The following CNTNAP5 variants were observed in gnomAD, a reference collection of about 807,000 sequenced individuals.
CNTNAP5 encodes contactin-associated protein-like 5.
In CNTNAP5, 72 loss-of-function variants were observed where a neutral mutation model predicts 150.2. The ratio of observed to expected loss-of-function variants is 0.48; its 90% CI spans 0.40 to 0.58. CNTNAP5 has a LOEUF of 0.58. CNTNAP5 is among the 20% of genes least tolerant of loss of function. The probability of loss-of-function intolerance (pLI) is 0.00; values close to 1 mark genes in which losing one functional copy is unlikely to be tolerated. For missense variants in CNTNAP5, 1,636 were observed against 1,626.2 expected, an observed-to-expected ratio of 1.01 and a Z score of -0.10; for synonymous variants, 672 against 619.8, an observed-to-expected ratio of 1.08 and a Z score of -1.25.
chr2:124,786,671 G>A (rs1681605285), intron 17 of CNTNAP5, among the ~76,000 whole-genome samples: 1 of 152,074 alleles, frequency 6.6e-6, no homozygotes, highest in South Asian at 2.1e-4. Flanking sequence ...AGATTTCTGG[G>A]AGAGGGAGAG....
intron 3 of CNTNAP5, among the ~76,000 whole-genome samples, chr2:124,400,674 T>TTG (rs1691390363): frequency 2.2e-5 from 2 of 91,458 alleles, no homozygotes; most frequent in South Asian, 1.0e-3. Flanking sequence ...GCATTGTTTT[T>TTG]TTTTTTTTTT....
At chr2:124,124,020 C>T (rs1683628964) in intron 1 of CNTNAP5, among the ~76,000 whole-genome samples, 1 of 152,174 alleles carries the variant, frequency 6.6e-6, no homozygotes, top group East Asian at 1.9e-4. Flanking sequence ...AGTAATGCAA[C>T]TCTTCTCCAG....
At chr2:124,432,134 GT>G (rs1240427968) in intron 4 of CNTNAP5, among the ~76,000 whole-genome samples, 1 of 152,170 alleles carries the variant, frequency 6.6e-6, no homozygotes, top group African/African-American at 2.4e-5. Context: ...AAACAGAGGG[GT>G]GTACCCAGTG....
intron 18 of CNTNAP5, among the ~76,000 whole-genome samples, chr2:124,795,148 C>T (rs933171167): frequency 6.6e-6 from 1 of 152,186 alleles, no homozygotes; most frequent in South Asian, 2.1e-4. Context: ...TGTGCTTTTA[C>T]GTACTTTCTT....
rs947138195 is a variant in CNTNAP5 at position 124,511,930 on chromosome 2, T to G, written c.1327+7374T>G. On this transcript the variant is annotated intron_variant, in intron 8 of 23. Coordinates refer to ENST00000682447, the MANE Select transcript of CNTNAP5 (RefSeq NM_001367498.1). ...ACAAATATCTAAACCTGAATAGGGTTTTTTTTTTTTTTGCAACCTTCCTTA... is the reference window on the plus strand; with the variant it reads ...ACAAATATCTAAACCTGAATAGGGTGTTTTTTTTTTTTGCAACCTTCCTTA... Among the ~76,000 whole-genome samples, 3 of 7,474 alleles carry G rather than the reference T, an allele frequency of 4.0e-4. No homozygotes were observed. The East Asian group carries it at 0.3, about 747-fold the overall frequency. The allele number at this position is 7,474 out of a possible 152,430, so 4.9% of individuals were successfully genotyped here.
chr2:124,565,574 C>CT (rs776732335), intron 11 of CNTNAP5, among the ~76,000 whole-genome samples: 10 of 68,504 alleles, frequency 1.5e-4, no homozygotes, highest in African/African-American at 6.1e-4. Context: ...TACCTAGATC[C>CT]TTTTTTTTTT....
intron 4 of CNTNAP5, among the ~76,000 whole-genome samples, chr2:124,424,622 A>G (rs1692195955): frequency 6.6e-6 from 1 of 152,218 alleles, no homozygotes; most frequent in Non-Finnish European, 1.5e-5. Flanking sequence ...ACACTAAAAT[A>G]AAAGACACTG....
intron 21 of CNTNAP5, among the ~76,000 whole-genome samples, chr2:124,872,650 A>C (rs1677776049): frequency 6.6e-6 from 1 of 151,818 alleles, no homozygotes. Context: ...TTGAAGTCTT[A>C]GCGGAAATGT....
At chr2:124,889,800 T>C (rs1404257612) in intron 21 of CNTNAP5, among the ~76,000 whole-genome samples, 7 of 152,134 alleles carry the variant, frequency 4.6e-5, no homozygotes, top group African/African-American at 1.7e-4. Context: ...TCAGTGATTT[T>C]TTTTTGTTTT....
rs115035999 is a variant in CNTNAP5 at position 124,388,595 on chromosome 2, C to T, written c.382-28848C>T. ...CTCTCAGAGCATTTATATGTTCCCG[C>T]TCCTTGTCTTTCATAATCGTGCGTT... On this transcript the variant is annotated intron_variant, in intron 3 of 23. Coordinates refer to ENST00000682447, the MANE Select transcript of CNTNAP5 (RefSeq NM_001367498.1). 3.4e-3 allele frequency among the ~76,000 whole-genome samples: 514 copies of T among 152,310 alleles called. 3 individuals carry two copies. Among genetic ancestry groups the T allele is most frequent in the African/African-American group, 0.011 (475 of 41,568 alleles).
chr2:124,628,915 T>C (rs1677787135), intron 12 of CNTNAP5, among the ~76,000 whole-genome samples: 1 of 152,158 alleles, frequency 6.6e-6, no homozygotes, highest in Non-Finnish European at 1.5e-5. Flanking sequence ...GTAGCAATCC[T>C]AGTTTCTGAC....
At chr2:124,368,826 T>C (rs1233588152) in intron 3 of CNTNAP5, among the ~76,000 whole-genome samples, 1 of 152,136 alleles carries the variant, frequency 6.6e-6, no homozygotes, top group Non-Finnish European at 1.5e-5. Context: ...TATTTATTTA[T>C]ATAGGCATAA....
chr2:124,572,525 A>G (rs1696189055), intron 11 of CNTNAP5, among the ~76,000 whole-genome samples: 1 of 152,172 alleles, frequency 6.6e-6, no homozygotes, highest in African/African-American at 2.4e-5. Flanking sequence ...TAAAGGCTGG[A>G]CTTGGGGAGT....
At chr2:124,857,595 G>A (rs1677405866) in intron 19 of CNTNAP5, among the ~76,000 whole-genome samples, 1 of 151,986 alleles carries the variant, frequency 6.6e-6, no homozygotes, top group South Asian at 2.1e-4. Flanking sequence ...GGAGGCCGAG[G>A]CGGGTGGATC....
intron 3 of CNTNAP5, among the ~76,000 whole-genome samples, chr2:124,335,748 CT>C (rs1321055202): frequency 6.6e-6 from 1 of 151,686 alleles, no homozygotes; most frequent in Non-Finnish European, 1.5e-5. Context: ...GGTCTCTTAC[CT>C]TTTTGCCAGC....
intron 3 of CNTNAP5, among the ~76,000 whole-genome samples, chr2:124,242,629 T>A (rs770877514): frequency 4.6e-5 from 7 of 152,168 alleles, no homozygotes; most frequent in Non-Finnish European, 7.3e-5. Flanking sequence ...GTAAACTGGG[T>A]AATTCACTGA....
chr2:124,086,693 C>G (rs551482033), intron 1 of CNTNAP5, among the ~76,000 whole-genome samples: 1 of 151,508 alleles, frequency 6.6e-6, no homozygotes, highest in Admixed American at 6.6e-5. Context: ...TTAATTTCAG[C>G]CCATTTTGTC....
intron 3 of CNTNAP5, among the ~76,000 whole-genome samples, chr2:124,270,423 C>T (rs1411393421): frequency 3.9e-5 from 6 of 152,194 alleles, no homozygotes. Flanking sequence ...CAGCCACACA[C>T]CTCATTTCAG....
At chr2:124,171,372 G>C (rs757942300) in intron 1 of CNTNAP5, among the ~76,000 whole-genome samples, 10 of 152,088 alleles carry the variant, frequency 6.6e-5, no homozygotes, top group Admixed American at 1.3e-4. Flanking sequence ...TTGATCACTG[G>C]GGTGCCAGCA....
Sources: allele counts gnomAD v4.1 joint callset (sites outside exome capture counted in the v4.1 genomes callset), GRCh38; gene constraint gnomAD v4.1.1; transcripts MANE v1.5; gene names NCBI Gene and HGNC (gene_info 2026-07-23, HGNC 2026-07-21).